The following TM9SF3 variants were observed in gnomAD, a reference collection of about 807,000 sequenced individuals.
The protein encoded by TM9SF3 is transmembrane 9 superfamily member 3, also known as SM-11044-binding protein.
A neutral mutation model predicts 78.6 loss-of-function variants in TM9SF3; 14 were observed. The ratio of observed to expected loss-of-function variants is 0.18; its 90% confidence interval spans 0.12 to 0.28. The LOEUF is 0.28. TM9SF3 is among the 10% of genes least tolerant of loss of function. The pLI is 1.00. For missense variants in TM9SF3, 496 were observed against 721.9 expected (o/e 0.69, Z 3.59); for synonymous variants, 231 against 241.7 (o/e 0.96, Z 0.41).
chr10:96,541,672 T>C (rs1263450014), intron 9 of TM9SF3, among the ~76,000 whole-genome samples: 2 of 152,194 alleles, frequency 1.3e-5, no homozygotes, highest in African/African-American at 2.4e-5. Flanking sequence ...TGAGCCATCA[T>C]GCCCAGCCAG....
At chr10:96,545,906 T>A (rs1160125466) in intron 8 of TM9SF3, among the ~76,000 whole-genome samples, 1 of 151,896 alleles carries the variant, frequency 6.6e-6, no homozygotes, top group African/African-American at 2.4e-5. Context: ...AATCAATCAA[T>A]CAATCAATCA....
At chr10:96,556,087 T>C (rs1015046416) in intron 5 of TM9SF3, among the ~76,000 whole-genome samples, 2 of 152,192 alleles carry the variant, frequency 1.3e-5, no homozygotes, top group Admixed American at 1.3e-4. Context: ...CTAAAAATTA[T>C]GAGATGTTGT....
chr10:96,538,070 A>G (rs1847980946), intron 9 of TM9SF3, among the ~76,000 whole-genome samples: 2 of 152,240 alleles, frequency 1.3e-5, no homozygotes, highest in Non-Finnish European at 2.9e-5. Flanking sequence ...TGCAAAGAAT[A>G]TTAGAAAAGC....
chr10:96,572,933 T>C (rs1458318050), intron 2 of TM9SF3, among the ~76,000 whole-genome samples: 3 of 152,176 alleles, frequency 2.0e-5, no homozygotes, highest in African/African-American at 7.2e-5. Context: ...AGTTAGACTA[T>C]CATTAGTTCC....
intron 9 of TM9SF3, among the ~76,000 whole-genome samples, chr10:96,541,872 C>A (rs1236138844): frequency 2.6e-5 from 4 of 152,224 alleles, no homozygotes; most frequent in Non-Finnish European, 5.9e-5. Flanking sequence ...TTCTCAGACA[C>A]ATGGCACCTA....
intron 1 of TM9SF3, among the ~76,000 whole-genome samples, chr10:96,585,037 T>C (rs1236135956): frequency 2.0e-5 from 3 of 152,208 alleles, no homozygotes; most frequent in Admixed American, 2.0e-4. Context: ...GCATTGAAAT[T>C]ACACTTTTAA....
chr10:96,521,924 G>T lies in TM9SF3; in HGVS notation c.*339C>A. 1 of 190,664 alleles carries T rather than the reference G, an allele frequency of 5.2e-6. No homozygotes were observed. The allele number at this position is 190,664 out of a possible 1,614,324, so 11.8% of individuals were successfully genotyped here. ...CAAGTTTCCCTCTATTTATTTTATT[G>T]GAACAAATGCTTTAAATAAACTATT... On this transcript the variant is annotated 3_prime_UTR_variant, in exon 15 of 15. Transcript: ENST00000371142.
At chr10:96,542,562 A>G (rs1172397054) in intron 9 of TM9SF3, among the ~76,000 whole-genome samples, 2 of 152,202 alleles carry the variant, frequency 1.3e-5, no homozygotes, top group Non-Finnish European at 2.9e-5. Context: ...ATTTTTACCA[A>G]TATCAAATTC....
rs761713465 is a variant in TM9SF3 at position 96,522,228 on chromosome 10, G to T, written c.*35C>A. ...GTGCAAGTTCCACCCCTATGAAAAA[G>T]AAATTGATCCAAAGTTCCAGGTTTT... On this transcript the variant is annotated 3_prime_UTR_variant, in exon 15 of 15. Coordinates refer to ENST00000371142, the MANE Select transcript of TM9SF3 (RefSeq NM_020123.4). 1 of 1,576,388 alleles carries T rather than the reference G, an allele frequency of 6.3e-7. No individual in the cohort carries two copies. Among genetic ancestry groups the T allele is most frequent in the South Asian group, 1.2e-5 (1 of 85,940 alleles).
intron 1 of TM9SF3, among the ~76,000 whole-genome samples, chr10:96,578,106 A>G (rs1449715202): frequency 6.6e-6 from 1 of 152,086 alleles, no homozygotes; most frequent in African/African-American, 2.4e-5. Context: ...CTTACCAAAA[A>G]CATCTGCCTT....
At chr10:96,568,483 T>G (rs1380779391) in intron 2 of TM9SF3, among the ~76,000 whole-genome samples, 1 of 152,224 alleles carries the variant, frequency 6.6e-6, no homozygotes, top group Non-Finnish European at 1.5e-5. Flanking sequence ...AAAGCAAGGT[T>G]AGGTAGATTC....
At chr10:96,530,878 A>C (rs778870050) in intron 10 of TM9SF3, among the ~76,000 whole-genome samples, 3 of 152,200 alleles carry the variant, frequency 2.0e-5, no homozygotes, top group Non-Finnish European at 4.4e-5. Context: ...AACTTCAAAA[A>C]GTCTCTAAGT....
At chr10:96,548,336 G>A (rs1848125554) in intron 7 of TM9SF3, among the ~76,000 whole-genome samples, 1 of 152,088 alleles carries the variant, frequency 6.6e-6, no homozygotes, top group Non-Finnish European at 1.5e-5. Context: ...GGAACAAGAT[G>A]TTCATCTGTT....
At chr10:96,559,562 A>T in intron 5 of TM9SF3, 97 bp downstream of exon 5, 2 of 733,884 alleles carry the variant, frequency 2.7e-6, no homozygotes, top group Non-Finnish European at 4.1e-6. Flanking sequence ...TTTAATCCAC[A>T]GTCCTCAACA....
intron 1 of TM9SF3, among the ~76,000 whole-genome samples, chr10:96,585,443 A>G (rs1355339661): frequency 3.9e-5 from 6 of 152,240 alleles, no homozygotes; most frequent in Admixed American, 6.5e-5. Flanking sequence ...TAACCTCCCA[A>G]CAAAATTATC....
rs11188830 is a variant in TM9SF3, at chr10:96,563,667, C to T, written c.422-1529G>A. The stretch of plus-strand genomic sequence containing the variant: ...TGCTGGGATTACAGGCGTGAGCCAC[C>T]GCGCCCAGCCAATAATTAATTTCAT... On this transcript the variant is annotated intron_variant, in intron 3 of 14. Transcript: ENST00000371142. Among the ~76,000 whole-genome samples, 708 of 152,292 alleles carry T rather than the reference C, an allele frequency of 4.6e-3. 6 individuals are homozygous for T. The highest frequency in any genetic ancestry group is 6.2e-3 in the Non-Finnish European group (420 of 68,022).
chr10:96,563,864 G>A (rs189539373), intron 3 of TM9SF3, among the ~76,000 whole-genome samples: 1,925 of 151,636 alleles, frequency 0.013, 30 homozygotes, highest in Non-Finnish European at 0.016. Flanking sequence ...ATTCTCCATG[G>A]TTCAGACATT....
At position 96,528,170 on chromosome 10, in the gene TM9SF3, T is replaced by C. The variant is rs375390871; in HGVS notation, c.1402A>G (p.Ile468Val). 2 of 1,609,124 alleles carry C rather than the reference T, an allele frequency of 1.2e-6. No homozygotes were observed. Among genetic ancestry groups the C allele is most frequent in the Non-Finnish European group, 1.7e-6 (2 of 1,177,154 alleles). ...FGSIFIEMYF[I>V]FTSFWAYKIY... is the part of the protein sequence containing the mutation. ...TTATATGCCCAGAAAGACGTGAAGA[T>C]GAAATACCTAAGTAAATGCAATAAA... The change falls in exon 12 of 15, where the codon ATC becomes GTC. Residue 468 changes from isoleucine (I) to valine (V), a missense_variant. Ile to Val is a conservative substitution (Grantham distance 29, BLOSUM62 3). This residue lies in a region of TM9SF3 where 280 missense variants were observed against 422.6 expected (regional missense o/e 0.66). Transcript: ENST00000371142.
Position 96,522,227 on chromosome 10 carries a change from A to G in TM9SF3, c.*36T>C. 1 of 1,576,376 alleles carries G rather than the reference A, an allele frequency of 6.3e-7. No individual in the cohort carries two copies. The highest frequency in any genetic ancestry group is 1.8e-5 in the Admixed American group (1 of 55,730). On this transcript the variant is annotated 3_prime_UTR_variant, in exon 15 of 15. Coordinates refer to ENST00000371142, the MANE Select transcript of TM9SF3 (RefSeq NM_020123.4). ...TGTGCAAGTTCCACCCCTATGAAAA[A>G]GAAATTGATCCAAAGTTCCAGGTTT... is the stretch of plus-strand genomic sequence containing the variant.
Sources: gnomAD v4.1 joint callset for allele counts (sites outside exome capture counted in the v4.1 genomes callset) on GRCh38, gnomAD v4.1.1 for gene constraint, gnomAD v4.1.1 regional missense constraint, MANE v1.5 for transcripts, NCBI Gene and HGNC (gene_info 2026-07-23, HGNC 2026-07-21) for gene names.